Variants in GRID2 observed in about 807,000 individuals in gnomAD.
GRID2 encodes the protein glutamate receptor ionotropic, delta-2.
Under a neutral mutation model 114.8 loss-of-function variants are expected in GRID2, and 33 were observed. The ratio of observed to expected loss-of-function variants is 0.29; its 90% CI spans 0.22 to 0.38. GRID2 has a LOEUF of 0.38. GRID2 is among the 10% of genes least tolerant of loss of function. The pLI is 1.00. For synonymous variants in GRID2, 505 were observed against 449.9 expected, an observed-to-expected ratio of 1.12 and a Z score of -1.55; for missense variants, 1,184 against 1,257.7, an observed-to-expected ratio of 0.94 and a Z score of 0.89.
At chr4:93,533,525 C>A (rs1473901946) in intron 13 of GRID2, among the ~76,000 whole-genome samples, 4 of 149,566 alleles carry the variant, frequency 2.7e-5, no homozygotes, top group African/African-American at 9.8e-5. Flanking sequence ...AGGAGCATGC[C>A]ACCACACCCA....
At chr4:93,418,544 A>T (rs755702032) in intron 9 of GRID2, among the ~76,000 whole-genome samples, 1 of 152,220 alleles carries the variant, frequency 6.6e-6, no homozygotes, top group Non-Finnish European at 1.5e-5. Context: ...TATGCATCTG[A>T]AAATTCTAGT....
chr4:93,356,632 A>G (rs531818830), intron 8 of GRID2, among the ~76,000 whole-genome samples: 1 of 151,894 alleles, frequency 6.6e-6, no homozygotes, highest in Non-Finnish European at 1.5e-5. Context: ...TCATATTTTT[A>G]TATGTTGTAG....
intron 13 of GRID2, among the ~76,000 whole-genome samples, chr4:93,607,539 C>G (rs934710942): frequency 1.3e-5 from 2 of 151,978 alleles, no homozygotes; most frequent in African/African-American, 4.8e-5. Flanking sequence ...TTTTATTTCT[C>G]TTGGATAGAT....
chr4:92,543,704 T>C (rs1442437729), intron 1 of GRID2, among the ~76,000 whole-genome samples: 1 of 152,142 alleles, frequency 6.6e-6, no homozygotes, highest in East Asian at 1.9e-4. Context: ...AAAAAGTAAT[T>C]CTTTCCCTAA....
At chr4:92,411,647 G>GTATATATATATATATA (rs1240876484) in intron 1 of GRID2, among the ~76,000 whole-genome samples, 119 of 87,142 alleles carry the variant, frequency 1.4e-3, no homozygotes, top group Non-Finnish European at 1.8e-3. Context: ...GTGTGTGTGT[G>GTATATATATATATATA]TGTGTGTGTA....
rs887641632 is a variant in GRID2, at chr4:93,353,166, G to A, written c.1246-42441G>A. On this transcript the variant is annotated intron_variant, in intron 8 of 15. Coordinates refer to ENST00000282020, the MANE Select transcript of GRID2 (RefSeq NM_001510.4). Reference sequence around the variant, plus strand: ...TTTGAGGTAACACATAGTAGTGAGCGTGGACTTCCATGGTTCATACATAAG... The same window carrying A: ...TTTGAGGTAACACATAGTAGTGAGCATGGACTTCCATGGTTCATACATAAG... Among the ~76,000 whole-genome samples the A allele has an allele frequency of 5.3e-5, 8 of 152,116 alleles. 1 individual carries two copies. In the Middle Eastern group the frequency reaches 0.017, roughly 323 times the overall value.
intron 2 of GRID2, among the ~76,000 whole-genome samples, chr4:92,776,860 A>T (rs1195788211): frequency 6.6e-6 from 1 of 152,102 alleles, no homozygotes; most frequent in African/African-American, 2.4e-5. Flanking sequence ...TATGCCCCTG[A>T]TAAGAACTAA....
intron 2 of GRID2, among the ~76,000 whole-genome samples, chr4:92,794,412 C>G (rs540289027): frequency 6.6e-6 from 1 of 151,884 alleles, no homozygotes; most frequent in East Asian, 2.0e-4. Flanking sequence ...TATACATTAT[C>G]TCTTAGTTAT....
At chr4:92,520,218 G>C (rs1435598801) in intron 1 of GRID2, among the ~76,000 whole-genome samples, 1 of 151,850 alleles carries the variant, frequency 6.6e-6, no homozygotes, top group African/African-American at 2.4e-5. Flanking sequence ...AGAAGAGGAA[G>C]TAGAGTTCTT....
Position 93,326,798 on chromosome 4 carries a change from G to A in GRID2, c.1246-68809G>A, listed in dbSNP as rs192133240. Among the ~76,000 whole-genome samples, 22 of 152,114 alleles carry A rather than the reference G, an allele frequency of 1.4e-4. No homozygotes were observed. In the East Asian group the frequency reaches 4.1e-3, roughly 28 times the overall value. On this transcript the variant is annotated intron_variant, in intron 8 of 15. Coordinates refer to ENST00000282020, the MANE Select transcript of GRID2 (RefSeq NM_001510.4). Reference sequence around the variant, plus strand: ...GGCTTTATCATTCAGTTACCCTTACGAACTTGACTTTTCCTATCCAATACA... The same window carrying A: ...GGCTTTATCATTCAGTTACCCTTACAAACTTGACTTTTCCTATCCAATACA...
chr4:93,708,973 C>T (rs1244728379), intron 14 of GRID2, among the ~76,000 whole-genome samples: 1 of 152,002 alleles, frequency 6.6e-6, no homozygotes, highest in Non-Finnish European at 1.5e-5. Flanking sequence ...AAAGAAGAAA[C>T]TAATGAAAAC....
chr4:93,237,562 G>A (rs1001092003), intron 7 of GRID2, among the ~76,000 whole-genome samples: 2 of 151,744 alleles, frequency 1.3e-5, no homozygotes, highest in African/African-American at 4.8e-5. Context: ...TCATTACCAG[G>A]CCAAAATTTT....
chr4:93,478,622 TATTAA>T (rs2149444192), intron 11 of GRID2, among the ~76,000 whole-genome samples: 1 of 151,666 alleles, frequency 6.6e-6, no homozygotes, highest in South Asian at 2.1e-4. Flanking sequence ...ACTAACTACA[TATTAA>T]ATTAACATTA....
At chr4:92,655,613 A>G (rs906477906) in intron 2 of GRID2, among the ~76,000 whole-genome samples, 7 of 151,456 alleles carry the variant, frequency 4.6e-5, no homozygotes, top group African/African-American at 1.7e-4. Context: ...ATTCATTTCT[A>G]AGTATTCTTT....
intron 13 of GRID2, among the ~76,000 whole-genome samples, chr4:93,590,295 C>A (rs1339710725): frequency 3.3e-5 from 5 of 150,320 alleles, no homozygotes; most frequent in Non-Finnish European, 5.9e-5. Flanking sequence ...TTCCCAGCAC[C>A]ATTTATTAAA....
At chr4:93,458,070 C>A (rs934227088) in intron 11 of GRID2, among the ~76,000 whole-genome samples, 2 of 152,016 alleles carry the variant, frequency 1.3e-5, no homozygotes, top group Non-Finnish European at 2.9e-5. Flanking sequence ...TGATTGAGGA[C>A]CACTGGCCCA....
intron 1 of GRID2, among the ~76,000 whole-genome samples, chr4:92,555,654 T>C (rs993708689): frequency 8.5e-5 from 13 of 152,198 alleles, no homozygotes; most frequent in African/African-American, 3.1e-4. Flanking sequence ...ACTTCTCGTC[T>C]GTGGTTTGTC....
intron 13 of GRID2, among the ~76,000 whole-genome samples, chr4:93,525,686 T>C (rs967693097): frequency 2.0e-5 from 3 of 152,184 alleles, no homozygotes; most frequent in Admixed American, 1.3e-4. Context: ...AACTGTTTAA[T>C]AGCTTATGAG....
At chr4:93,794,144 T>C (rs1278736883) in intron 1 of GRID2, among the ~76,000 whole-genome samples, 1 of 152,202 alleles carries the variant, frequency 6.6e-6, no homozygotes, top group Non-Finnish European at 1.5e-5. Flanking sequence ...AAAATCAAAC[T>C]CCTAACAATT....
Sources: allele counts gnomAD v4.1 joint callset (sites outside exome capture counted in the v4.1 genomes callset), GRCh38; gene constraint gnomAD v4.1.1; transcripts MANE v1.5; gene names NCBI Gene and HGNC (gene_info 2026-07-23, HGNC 2026-07-21).